The following OXR1 variants were observed in gnomAD, a reference collection of about 807,000 sequenced individuals.
OXR1 encodes oxidation resistance 1, also known as oxidation resistance protein 1.
A neutral mutation model predicts 104.6 loss-of-function variants in OXR1; 41 were observed. That is an observed-to-expected ratio of 0.39 (90% CI 0.31 to 0.51). The LOEUF is 0.51. Ranked by LOEUF, OXR1 falls within the 20% of genes least tolerant of loss-of-function variation. The pLI is 0.77. For missense variants in OXR1, 955 were observed against 1,031.9 expected, an observed-to-expected ratio of 0.93 and a Z score of 1.02; for synonymous variants, 348 against 348.4, an observed-to-expected ratio of 1.00 and a Z score of 0.01.
Position 106,323,903 on chromosome 8 carries a change from CTG to C in OXR1, c.-138-35571_-138-35570del, listed in dbSNP as rs200368769. On this transcript the variant is annotated intron_variant, in intron 1 of 16. Coordinates refer to ENST00000517566, the MANE Select transcript of OXR1 (RefSeq NM_001198533.2). ...GTGGAGAAAAGGGAACACTTATACA[CTG>C]TTGGTGGTAGTGTAAATTCGTTCAA... is the stretch of plus-strand genomic sequence containing the variant. Among the ~76,000 whole-genome samples, 877 of 152,286 alleles carry C rather than the reference CTG, an allele frequency of 5.8e-3. 5 individuals are homozygous for C. The highest frequency in any genetic ancestry group is 0.02 in the African/African-American group (819 of 41,558).
chr8:106,630,388 G>A (rs1822569432), intron 3 of OXR1, among the ~76,000 whole-genome samples: 1 of 152,184 alleles, frequency 6.6e-6, no homozygotes, highest in South Asian at 2.1e-4. Flanking sequence ...GAAAACTGGG[G>A]CACAGGAATG....
At chr8:106,721,774 A>G (rs1305186109) in intron 11 of OXR1, among the ~76,000 whole-genome samples, 1 of 152,150 alleles carries the variant, frequency 6.6e-6, no homozygotes, top group Non-Finnish European at 1.5e-5. Flanking sequence ...TAGTCTTTCC[A>G]TTTTGACTTT....
intron 3 of OXR1, among the ~76,000 whole-genome samples, chr8:106,657,288 C>G (rs1325540320): frequency 2.0e-5 from 3 of 149,926 alleles, no homozygotes; most frequent in Non-Finnish European, 3.0e-5. Context: ...TGCAGTCTTA[C>G]GTTGAAGGTA....
intron 2 of OXR1, among the ~76,000 whole-genome samples, chr8:106,412,613 G>C (rs535314984): frequency 2.6e-5 from 4 of 152,136 alleles, no homozygotes; most frequent in African/African-American, 9.6e-5. Context: ...GAGTACGCAG[G>C]GAGTCAGGAT....
intron 2 of OXR1, among the ~76,000 whole-genome samples, chr8:106,368,404 AT>A (rs1290721137): frequency 2.0e-5 from 3 of 152,156 alleles, no homozygotes; most frequent in Admixed American, 6.5e-5. Flanking sequence ...GTTTTATTGC[AT>A]TTTATTTTAT....
chr8:106,288,387 C>T (rs1424929912), intron 1 of OXR1, among the ~76,000 whole-genome samples: 1 of 151,938 alleles, frequency 6.6e-6, no homozygotes, highest in Non-Finnish European at 1.5e-5. Flanking sequence ...CACAGAGGAG[C>T]AACATCAGGG....
intron 6 of OXR1, among the ~76,000 whole-genome samples, chr8:106,690,671 G>C (rs1829189587): frequency 6.7e-6 from 1 of 149,074 alleles, no homozygotes; most frequent in African/African-American, 2.5e-5. Context: ...ATTTTATTCT[G>C]TATTTGATTT....
chr8:106,278,686 C>T (rs1586464172), intron 1 of OXR1, among the ~76,000 whole-genome samples: 1 of 152,248 alleles, frequency 6.6e-6, no homozygotes, highest in East Asian at 1.9e-4. Flanking sequence ...ATCACAGTGA[C>T]TGGATGTCAT....
intron 3 of OXR1, among the ~76,000 whole-genome samples, chr8:106,639,831 C>CT (rs1823479185): frequency 1.3e-5 from 2 of 152,048 alleles, no homozygotes; most frequent in Non-Finnish European, 2.9e-5. Context: ...AACTAGGAGA[C>CT]AGTAGAGTGA....
At chr8:106,442,223 T>C (rs1238556925) in intron 2 of OXR1, among the ~76,000 whole-genome samples, 1 of 152,176 alleles carries the variant, frequency 6.6e-6, no homozygotes, top group Non-Finnish European at 1.5e-5. Flanking sequence ...GTTTATTGAT[T>C]TGCATATGTT....
intron 2 of OXR1, among the ~76,000 whole-genome samples, chr8:106,508,393 A>G (rs1194980674): frequency 6.6e-6 from 1 of 152,132 alleles, no homozygotes; most frequent in African/African-American, 2.4e-5. Flanking sequence ...ACTTGGTTGT[A>G]TTGGGAGCAC....
At chr8:106,703,589 A>G (rs1269927004) in intron 8 of OXR1, among the ~76,000 whole-genome samples, 1 of 152,088 alleles carries the variant, frequency 6.6e-6, no homozygotes, top group Admixed American at 6.5e-5. Flanking sequence ...TGTAAAGTAC[A>G]GGGAAGAAAA....
chr8:106,688,103 A>G (rs1034574535), intron 6 of OXR1, among the ~76,000 whole-genome samples: 1 of 152,142 alleles, frequency 6.6e-6, no homozygotes, highest in Non-Finnish European at 1.5e-5. Flanking sequence ...TTTGTTTTGT[A>G]CACCTTTGGT....
intron 2 of OXR1, among the ~76,000 whole-genome samples, chr8:106,460,021 T>C (rs1168450709): frequency 6.6e-6 from 1 of 152,184 alleles, no homozygotes; most frequent in Non-Finnish European, 1.5e-5. Flanking sequence ...ATTTACTTGT[T>C]TTAAAATAAA....
intron 1 of OXR1, among the ~76,000 whole-genome samples, chr8:106,306,654 G>GA (rs1231163429): frequency 1.3e-5 from 2 of 152,120 alleles, no homozygotes; most frequent in Admixed American, 6.5e-5. Flanking sequence ...TACTTTGAGT[G>GA]AAAAAATAGT....
At chr8:106,635,102 AGAG>A (rs1197966752) in intron 3 of OXR1, among the ~76,000 whole-genome samples, 1 of 152,212 alleles carries the variant, frequency 6.6e-6, no homozygotes, top group Non-Finnish European at 1.5e-5. Flanking sequence ...TTTTGCCAAG[AGAG>A]GAGATTTGGT....
Position 106,393,632 on chromosome 8 carries a change from T to C in OXR1, c.23+33996T>C, listed in dbSNP as rs184808626. Among the ~76,000 whole-genome samples the C allele has an allele frequency of 5.9e-4, 90 of 152,160 alleles. No homozygotes were observed. The East Asian group carries it at 0.014, about 24-fold the overall frequency. On this transcript the variant is annotated intron_variant, in intron 2 of 16. Coordinates refer to ENST00000517566, the MANE Select transcript of OXR1 (RefSeq NM_001198533.2). ...ATTTCCCCTTCCTTCTTCTTGATGG[T>C]TTTTGTGAGTAATGAAATACATAAC...
At chr8:106,488,567 T>G (rs1810853499) in intron 2 of OXR1, among the ~76,000 whole-genome samples, 1 of 152,090 alleles carries the variant, frequency 6.6e-6, no homozygotes, top group Non-Finnish European at 1.5e-5. Flanking sequence ...GTCTAACATT[T>G]AAGTCTTTAA....
At chr8:106,416,523 T>A (rs1586622239) in intron 2 of OXR1, among the ~76,000 whole-genome samples, 1 of 152,054 alleles carries the variant, frequency 6.6e-6, no homozygotes, top group East Asian at 1.9e-4. Flanking sequence ...AGAGTTCTAA[T>A]ATATATGTAT....
Sources: gnomAD v4.1 joint callset for allele counts (sites outside exome capture counted in the v4.1 genomes callset) on GRCh38, gnomAD v4.1.1 for gene constraint, MANE v1.5 for transcripts, NCBI Gene and HGNC (gene_info 2026-07-23, HGNC 2026-07-21) for gene names.